GRIN3B: variants seen among roughly 807,000 people sequenced by gnomAD.
The protein encoded by GRIN3B is glutamate ionotropic receptor NMDA type subunit 3B, also known as glutamate receptor ionotropic, NMDA 3B.
GRIN3B carries 77 observed loss-of-function variants against 66.0 expected under a neutral mutation model. The observed-to-expected ratio is 1.17, with a 90% confidence interval of 0.97 to 1.41. The LOEUF is 1.41. Among genes scored for constraint, GRIN3B ranks in the 40% most tolerant of loss-of-function variants. The pLI is 0.00. For missense variants in GRIN3B, 1,787 were observed against 1,564.5 expected (o/e 1.14, Z -2.40); for synonymous variants, 823 against 749.7 (o/e 1.10, Z -1.60).
rs2038676270 is a variant in GRIN3B, at chr19:1,000,764, T to C, written c.327T>C (p.Ala109=). 6.9e-7 allele frequency: 1 copy of C among 1,446,490 alleles called. No homozygotes were observed. The highest frequency in any genetic ancestry group is 9.1e-7 in the Non-Finnish European group (1 of 1,104,898). The allele number at this position is 1,446,490 out of a possible 1,614,324, so 89.6% of individuals were successfully genotyped here. A position where few individuals can be genotyped will look rare whatever the true frequency, so the allele number is the denominator to read the frequency against. The stretch of plus-strand genomic sequence containing the variant: ...CGGCCCTGCTCGCCTTTCCCGAGGC[T>C]CGGCCCGAGCTGCTGCAGCTGCACT... ...GVAALLAFPE[A]RPELLQLHFL... The change falls in exon 1 of 9, where the codon GCT becomes GCC. Residue 109 remains alanine (A), a synonymous_variant. Coordinates refer to ENST00000234389, the MANE Select transcript of GRIN3B (RefSeq NM_138690.3).
chr19:1,008,556 C>G, intron 6 of GRIN3B, 62 bp from the exon 7 acceptor site: 1 of 1,549,144 alleles, frequency 6.5e-7, no homozygotes, highest in Non-Finnish European at 8.7e-7. Context: ...TCCCCTAGTT[C>G]AAGGCTCCCC....
rs1273162137 is a variant in GRIN3B, at chr19:1,000,704, C to T, written c.267C>T (p.Arg89=). 4.3e-4 allele frequency: 604 copies of T among 1,403,488 alleles called. 2 individuals are homozygous for T. The highest frequency in any genetic ancestry group is 5.0e-4 in the Non-Finnish European group (543 of 1,078,370). The allele number at this position is 1,403,488 out of a possible 1,614,324, so 86.9% of individuals were successfully genotyped here. Residue 89 remains arginine (R), a synonymous_variant, in exon 1 of 9, where the codon CGC becomes CGT. Transcript: ENST00000234389. ...CCCGCGACCCCGCCTCGCTGACCCG[C>T]GGCCTGTGCCAGGCGCTGGTGCCTC... ...PPARDPASLT[R]GLCQALVPPG...
chr19:1,004,699 G>T lies in GRIN3B; in HGVS notation c.1198G>T (p.Gly400Cys). 6.2e-7 allele frequency: 1 copy of T among 1,604,034 alleles called. No individual in the cohort carries two copies. Among genetic ancestry groups the T allele is most frequent in the Non-Finnish European group, 8.5e-7 (1 of 1,174,910 alleles). Residue 400 changes from glycine (G) to cysteine (C), a missense_variant, in exon 3 of 9, where the codon GGT (glycine) becomes TGT (cysteine). Physicochemically the swap from Gly to Cys is radical, Grantham distance 159. Transcript: ENST00000234389. ...RDGQLDLEPGGASARPPPPQG... is the reference protein window; with the variant it reads ...RDGQLDLEPGCASARPPPPQG... Reference sequence around the variant, plus strand: ...CGGCCAGCTGGACTTGGAACCGGGAGGTGCCTCTGCACGGCCCCCGCCCCC... The same window carrying T: ...CGGCCAGCTGGACTTGGAACCGGGATGTGCCTCTGCACGGCCCCCGCCCCC...
Position 1,005,174 on chromosome 19 carries a change from G to T in GRIN3B, c.1673G>T (p.Arg558Leu). The T allele has an allele frequency of 1.2e-6, 2 of 1,613,498 alleles. No individual in the cohort carries two copies. The highest frequency in any genetic ancestry group is 1.7e-6 in the Non-Finnish European group (2 of 1,179,982). Reference sequence around the variant, plus strand: ...TCCACCAGCCTGGGCATCATGGTGCGGGCACGGGACACGGCCTCACCCATC... The same window carrying T: ...TCCACCAGCCTGGGCATCATGGTGCTGGCACGGGACACGGCCTCACCCATC... ...FFSTSLGIMVRARDTASPIGA... is the reference protein window; with the variant it reads ...FFSTSLGIMVLARDTASPIGA... Residue 558 changes from arginine to leucine, a missense_variant, in exon 3 of 9, where the codon CGG becomes CTG. Coordinates refer to ENST00000234389, the MANE Select transcript of GRIN3B (RefSeq NM_138690.3). The surrounding 1 kb of genome is among the most constrained non-coding windows in gnomAD (Gnocchi z 5.2).
rs745948861 is a variant in GRIN3B at position 1,007,835 on chromosome 19, C to T, written c.2199-21C>T. On this transcript the variant is annotated intron_variant, in intron 4 of 8. Transcript: ENST00000234389. The surrounding 1 kb of genome is among the most constrained non-coding windows in gnomAD (Gnocchi z 4.4). ...TGGGGTGGGCGGGGCGATGGCTGAC[C>T]CCCGCCCCCGGCCCCAGCAGGAGCG... 2 of 1,575,024 alleles carry T rather than the reference C, an allele frequency of 1.3e-6. No individual in the cohort carries two copies. Among genetic ancestry groups the T allele is most frequent in the Non-Finnish European group, 1.7e-6 (2 of 1,155,334 alleles).
In GRIN3B at chr19:1,003,638, C is replaced by A; in HGVS notation, c.935C>A (p.Pro312Gln). The A allele has an allele frequency of 7.0e-7, 1 of 1,419,846 alleles. No homozygotes were observed. The highest frequency in any genetic ancestry group is 9.2e-7 in the Non-Finnish European group (1 of 1,092,000). 88.0% of individuals were successfully genotyped at this position (1,419,846 alleles called of 1,614,324 possible). The change falls in exon 2 of 9, where the codon CCG (proline) becomes CAG (glutamine). Residue 312 changes from proline (P) to glutamine (Q), a missense_variant. By Grantham distance (76) the Pro-to-Gln change is moderately conservative. Coordinates refer to ENST00000234389, the MANE Select transcript of GRIN3B (RefSeq NM_138690.3). ...RALGSAAQVQ[P>Q]KRALLPAPVN... ...CTGGGCAGTGCGGCCCAGGTGCAGC[C>A]GAAGCGAGCCCTCCTCCCCGCCCCG...
At chr19:1,003,960 G>A (rs954490195) in intron 2 of GRIN3B, among the ~76,000 whole-genome samples, 1 of 152,226 alleles carries the variant, frequency 6.6e-6, no homozygotes, top group South Asian at 2.1e-4. Context: ...GTGGTGACAC[G>A]CACCTGTAGT....
Position 1,007,816 on chromosome 19 carries a change from GGGCGGGGCGA to G in GRIN3B, c.2199-39_2199-30del. 1 of 1,546,246 alleles carries G rather than the reference GGGCGGGGCGA, an allele frequency of 6.5e-7. No homozygotes were observed. The highest frequency in any genetic ancestry group is 8.7e-7 in the Non-Finnish European group (1 of 1,145,452). ...GTGAGGCGGGGGCGGGGCGTGGGGT[GGGCGGGGCGA>G]TGGCTGACCCCCGCCCCCGGCCCCA... On this transcript the variant is annotated intron_variant, in intron 4 of 8. Transcript: ENST00000234389. This position sits in a 1 kb window ranked among gnomAD's most constrained non-coding sequence, Gnocchi z 4.4.
In GRIN3B at chr19:1,004,773, A is replaced by C; in HGVS notation, c.1272A>C (p.Glu424Asp). ...WPKLRVVTLL[E>D]HPFVFARDPD... ...AGCTGCGTGTGGTAACGCTGTTGGA[A>C]CACCCATTTGTGTTTGCCCGTGATC... The change falls in exon 3 of 9, where the codon GAA becomes GAC. Residue 424 changes from glutamate (E) to aspartate (D), a missense_variant. Transcript: ENST00000234389. 6.2e-7 allele frequency: 1 copy of C among 1,612,562 alleles called. No homozygotes were observed. Among genetic ancestry groups the C allele is most frequent in the Non-Finnish European group, 8.5e-7 (1 of 1,179,428 alleles).
chr19:1,008,822 GC>G, intron 7 of GRIN3B, 34 bp from the exon 8 acceptor site: 1 of 911,356 alleles, frequency 1.1e-6, no homozygotes, highest in African/African-American at 1.6e-5. Context: ...CACCCCCCCC[GC>G]CTCCTCGCCA....
intron 1 of GRIN3B, chr19:1,002,567 A>G (rs2145530859): frequency 6.6e-6 from 1 of 152,346 alleles, no homozygotes; most frequent in African/African-American, 2.4e-5. Flanking sequence ...GTAATGTGTG[A>G]AGGGGATGCT....
In GRIN3B at chr19:1,000,871, G is replaced by T; in HGVS notation, c.426+8G>T. ...GCGCCCCTCGGAGCCCCGGTACGCG[G>T]GACGCCCGGAGTCAGGACGAGGGGG... On this transcript the variant is annotated splice_region_variant and intron_variant, in intron 1 of 8. Coordinates refer to ENST00000234389, the MANE Select transcript of GRIN3B (RefSeq NM_138690.3). 7.1e-7 allele frequency: 1 copy of T among 1,402,632 alleles called. No homozygotes were observed. Among genetic ancestry groups the T allele is most frequent in the Non-Finnish European group, 9.2e-7 (1 of 1,082,912 alleles). 86.9% of individuals were successfully genotyped at this position (1,402,632 alleles called of 1,614,324 possible).
rs755848961 is a variant in GRIN3B at position 1,009,374 on chromosome 19, C to T, written c.2904C>T (p.Arg968=). ...EGPVWLCSYG[R]PPAARPTGAP... ...CCGTCTGGCTGTGCTCCTACGGCCG[C>T]CCGCCCGCCGCAAGGCCCACGGGGG... The change falls in exon 9 of 9, where the codon CGC becomes CGT. Residue 968 remains arginine, a synonymous_variant. Transcript: ENST00000234389. 4.4e-6 allele frequency: 6 copies of T among 1,370,998 alleles called. No individual in the cohort carries two copies. In the East Asian group the frequency reaches 1.6e-4, roughly 36 times the overall value. 84.9% of individuals were successfully genotyped at this position (1,370,998 alleles called of 1,614,324 possible).
At chr19:1,001,430 A>AC (rs1056365682) in intron 1 of GRIN3B, among the ~76,000 whole-genome samples, 1 of 102,004 alleles carries the variant, frequency 9.8e-6, no homozygotes. Context: ...CTCCATTCCC[A>AC]CCCCCCAACC....
At position 1,007,983 on chromosome 19, in the gene GRIN3B, C is replaced by T. The variant is rs746760076; in HGVS notation, c.2314+12C>T. 1.9e-6 allele frequency: 3 copies of T among 1,610,044 alleles called. No homozygotes were observed. Among genetic ancestry groups the T allele is most frequent in the Non-Finnish European group, 2.5e-6 (3 of 1,177,888 alleles). ...CTTCGCCATTGAGGGTGAGAGGCAC[C>T]TGGGCGAGGCGGGGCGCCGGGGTCT... On this transcript the variant is annotated intron_variant, in intron 5 of 8. Transcript: ENST00000234389. This position sits in a 1 kb window ranked among gnomAD's most constrained non-coding sequence, Gnocchi z 4.4.
At chr19:1,001,387 A>G (rs926472378) in intron 1 of GRIN3B, among the ~76,000 whole-genome samples, 2 of 151,298 alleles carry the variant, frequency 1.3e-5, no homozygotes, top group Admixed American at 6.6e-5. Context: ...GGCCTCCAAG[A>G]TCCCAGAGCA....
chr19:1,007,447 T>TA lies in GRIN3B; in HGVS notation c.2053-180dup, dbSNP rs1000058557. Reference sequence around the variant, plus strand: ...CAGGGGACCCTGGACAGTGTGTGTCTAGAGACAGCTGTGGTGGTCACGCCT... The same window carrying TA: ...CAGGGGACCCTGGACAGTGTGTGTCTAAGAGACAGCTGTGGTGGTCACGCCT... On this transcript the variant is annotated intron_variant, in intron 3 of 8. Transcript: ENST00000234389. This position sits in a 1 kb window ranked among gnomAD's most constrained non-coding sequence, Gnocchi z 4.4. Among the ~76,000 whole-genome samples the TA allele has an allele frequency of 1.3e-5, 2 of 151,544 alleles. No individual in the cohort carries two copies.
chr19:1,004,729 G>A lies in GRIN3B; in HGVS notation c.1228G>A (p.Gly410Ser), dbSNP rs1235005921. ...GASARPPPPQ[G>S]AQVWPKLRVV... Reference sequence around the variant, plus strand: ...CTCTGCACGGCCCCCGCCCCCACAGGGTGCCCAGGTCTGGCCCAAGCTGCG... The same window carrying A: ...CTCTGCACGGCCCCCGCCCCCACAGAGTGCCCAGGTCTGGCCCAAGCTGCG... The change falls in exon 3 of 9, where the codon GGT becomes AGT. Residue 410 changes from glycine (G) to serine (S), a missense_variant. Physicochemically the swap from Gly to Ser is moderately conservative, Grantham distance 56 (BLOSUM62 0). Coordinates refer to ENST00000234389, the MANE Select transcript of GRIN3B (RefSeq NM_138690.3). The A allele has an allele frequency of 6.2e-7, 1 of 1,607,000 alleles. No individual in the cohort carries two copies. Among genetic ancestry groups the A allele is most frequent in the Non-Finnish European group, 8.5e-7 (1 of 1,175,882 alleles).
Position 1,009,480 on chromosome 19 carries a change from C to T in GRIN3B, c.3010C>T (p.Arg1004Cys), listed in dbSNP as rs753526630. The change falls in exon 9 of 9, where the codon CGC becomes TGC. Residue 1004 changes from arginine (R) to cysteine (C), a missense_variant. By Grantham distance (180) the Arg-to-Cys change is radical. Coordinates refer to ENST00000234389, the MANE Select transcript of GRIN3B (RefSeq NM_138690.3). ...RERLRQALVR[R>C]GQLLAQLGDS... ...GCGGCTCCGCCAGGCCCTGGTGCGGCGCGGCCAGCTCCTGGCACAGCTCGG... is the reference window on the plus strand; with the variant it reads ...GCGGCTCCGCCAGGCCCTGGTGCGGTGCGGCCAGCTCCTGGCACAGCTCGG... 20 of 1,489,546 alleles carry T rather than the reference C, an allele frequency of 1.3e-5. No homozygotes were observed. The highest frequency in any genetic ancestry group is 4.4e-5 in the Admixed American group (2 of 45,354). 92.3% of individuals were successfully genotyped at this position (1,489,546 alleles called of 1,614,324 possible).
Sources: allele counts gnomAD v4.1 joint callset (sites outside exome capture counted in the v4.1 genomes callset), GRCh38; gene constraint gnomAD v4.1.1; non-coding constraint Gnocchi (gnomAD v3.1); transcripts MANE v1.5; gene names NCBI Gene and HGNC (gene_info 2026-07-23, HGNC 2026-07-21).